CNBD1: variants seen among roughly 807,000 people sequenced by gnomAD.
The protein encoded by CNBD1 is cyclic nucleotide binding domain containing 1, also known as cyclic nucleotide-binding domain-containing protein 1.
CNBD1 carries 71 observed loss-of-function variants against 54.4 expected under a neutral mutation model. That is an observed-to-expected ratio of 1.30 (90% confidence interval 1.08 to 1.59). The LOEUF is 1.59. Ranked by LOEUF, CNBD1 falls within the 40% of genes most tolerant of loss-of-function variation. CNBD1 has a pLI of 0.00. For synonymous variants in CNBD1, 182 were observed against 170.7 expected, an observed-to-expected ratio of 1.07 and a Z score of -0.51; for missense variants, 659 against 518.0, an observed-to-expected ratio of 1.27 and a Z score of -2.64.
At chr8:87,347,885 A>G (rs1453194540) in intron 8 of CNBD1, among the ~76,000 whole-genome samples, 3 of 152,172 alleles carry the variant, frequency 2.0e-5, no homozygotes, top group African/African-American at 7.2e-5. Context: ...GAGTAACCAT[A>G]TTCTGATAAT....
At chr8:87,264,915 A>G (rs1207587702) in intron 6 of CNBD1, among the ~76,000 whole-genome samples, 1 of 151,884 alleles carries the variant, frequency 6.6e-6, no homozygotes, top group African/African-American at 2.4e-5. Context: ...TTGTCAGATG[A>G]GTAGATTGCA....
chr8:86,943,035 G>T (rs1807373120), intron 4 of CNBD1, among the ~76,000 whole-genome samples: 2 of 150,670 alleles, frequency 1.3e-5, no homozygotes, highest in East Asian at 1.9e-4. Flanking sequence ...TTTTCACTTT[G>T]TCACCCTGAC....
At chr8:87,115,071 A>C (rs1309086671) in intron 4 of CNBD1, among the ~76,000 whole-genome samples, 1 of 152,224 alleles carries the variant, frequency 6.6e-6, no homozygotes, top group Non-Finnish European at 1.5e-5. Context: ...TTGGACCTTA[A>C]TGGCAATTTA....
At chr8:87,105,295 G>A (rs915639401) in intron 4 of CNBD1, among the ~76,000 whole-genome samples, 3 of 152,114 alleles carry the variant, frequency 2.0e-5, no homozygotes, top group African/African-American at 2.4e-5. Flanking sequence ...ATTTCAAATA[G>A]TCATGTGAAA....
chr8:87,399,388 C>T (rs949202897), intron 2 of CNBD1, among the ~76,000 whole-genome samples: 6 of 152,016 alleles, frequency 3.9e-5, no homozygotes, highest in African/African-American at 1.2e-4. Context: ...TTCTCCCCAA[C>T]ACCACCCACC....
intron 8 of CNBD1, among the ~76,000 whole-genome samples, chr8:87,297,225 A>T (rs535245519): frequency 4.6e-5 from 7 of 151,902 alleles, no homozygotes; most frequent in Non-Finnish European, 1.0e-4. Context: ...ACACATACAC[A>T]TAACTAATTT....
intron 10 of CNBD1, among the ~76,000 whole-genome samples, chr8:87,373,302 G>A (rs1810857864): frequency 6.6e-6 from 1 of 151,762 alleles, no homozygotes; most frequent in Non-Finnish European, 1.5e-5. Flanking sequence ...GTTTAATGGT[G>A]AAGCCACCAA....
intron 5 of CNBD1, among the ~76,000 whole-genome samples, chr8:87,228,221 G>A (rs908217606): frequency 1.3e-5 from 2 of 150,360 alleles, no homozygotes; most frequent in African/African-American, 2.5e-5. Context: ...TTGATCGTCT[G>A]AAGCCTTCTT....
Position 87,309,382 on chromosome 8 carries a change from A to G in CNBD1, c.1042+22711A>G, listed in dbSNP as rs927213287. Among the ~76,000 whole-genome samples the G allele has an allele frequency of 4.6e-5, 7 of 152,030 alleles. No homozygotes were observed. In the East Asian group the frequency reaches 1.3e-3, roughly 29 times the overall value. ...TCATTTCTTGCATTTCTTGGTACCT[A>G]ATATTTTAGCTGTCTTTTATTCGGG... On this transcript the variant is annotated intron_variant, in intron 8 of 10. Transcript: ENST00000518476.
At chr8:86,913,783 G>T (rs9649985) in intron 3 of CNBD1, among the ~76,000 whole-genome samples, 47,221 of 151,906 alleles carry the variant, frequency 0.31, 7,509 homozygotes, top group East Asian at 0.42. Flanking sequence ...AATTCGCCAG[G>T]CTGGAATTTC....
intron 6 of CNBD1, among the ~76,000 whole-genome samples, chr8:87,244,735 C>A (rs753008469): frequency 6.6e-6 from 1 of 151,864 alleles, no homozygotes; most frequent in Non-Finnish European, 1.5e-5. Context: ...TTCTCTAATG[C>A]GTAGTATAAG....
intron 5 of CNBD1, among the ~76,000 whole-genome samples, chr8:87,216,019 A>G (rs1357174205): frequency 6.6e-6 from 1 of 152,166 alleles, no homozygotes; most frequent in Non-Finnish European, 1.5e-5. Context: ...TTCGCTTAAC[A>G]TAGTGTTTTC....
At chr8:87,016,368 C>T (rs1311059579) in intron 4 of CNBD1, among the ~76,000 whole-genome samples, 1 of 149,050 alleles carries the variant, frequency 6.7e-6, no homozygotes, top group Non-Finnish European at 1.5e-5. Flanking sequence ...ACAAGGATGT[C>T]AATTTTCAAT....
intron 5 of CNBD1, among the ~76,000 whole-genome samples, chr8:87,236,623 T>A (rs1807588784): frequency 6.6e-6 from 1 of 152,056 alleles, no homozygotes; most frequent in African/African-American, 2.4e-5. Context: ...ATGTCTCAAA[T>A]CTATTAATAA....
intron 4 of CNBD1, among the ~76,000 whole-genome samples, chr8:87,029,573 A>G (rs1481600303): frequency 1.3e-5 from 2 of 152,266 alleles, no homozygotes; most frequent in Admixed American, 6.5e-5. Flanking sequence ...AAGATAATAA[A>G]TTATGTATAT....
chr8:87,272,236 T>G (rs923406902), intron 6 of CNBD1, among the ~76,000 whole-genome samples: 4 of 151,916 alleles, frequency 2.6e-5, no homozygotes, highest in Admixed American at 6.6e-5. Flanking sequence ...GGGGAATAAT[T>G]AGAATGATCC....
At chr8:87,376,461 G>C (rs770504089) in intron 10 of CNBD1, among the ~76,000 whole-genome samples, 1 of 151,944 alleles carries the variant, frequency 6.6e-6, no homozygotes, top group South Asian at 2.1e-4. Context: ...GAATTTTTGA[G>C]GGATGTAACC....
intron 4 of CNBD1, among the ~76,000 whole-genome samples, chr8:87,108,776 A>G (rs965060993): frequency 6.6e-6 from 1 of 152,190 alleles, no homozygotes; most frequent in Non-Finnish European, 1.5e-5. Flanking sequence ...AGTCATGATA[A>G]TAATGGCTTT....
intron 3 of CNBD1, 37 bp from the exon 4 acceptor site, chr8:86,939,559 T>C (rs746969551): frequency 4.1e-6 from 6 of 1,477,712 alleles, no homozygotes; most frequent in Non-Finnish European, 5.5e-6. Flanking sequence ...TTTTATGCAG[T>C]ATACAACAGC....
Sources: gnomAD v4.1 joint callset for allele counts (sites outside exome capture counted in the v4.1 genomes callset) on GRCh38, gnomAD v4.1.1 for gene constraint, MANE v1.5 for transcripts, NCBI Gene and HGNC (gene_info 2026-07-23, HGNC 2026-07-21) for gene names.